Variants in FRMD6 observed in about 807,000 individuals in gnomAD.
FRMD6 encodes FERM domain containing 6, also known as FERM domain-containing protein 6.
Under a neutral mutation model 73.2 loss-of-function variants are expected in FRMD6, and 37 were observed. The ratio of observed to expected loss-of-function variants is 0.51; its 90% CI spans 0.39 to 0.66. The LOEUF (loss-of-function observed/expected upper bound fraction) is 0.66, where lower values mean the gene tolerates loss of function less well. FRMD6 is among the 30% of genes least tolerant of loss of function. FRMD6 has a pLI of 0.00. For missense variants in FRMD6, 714 were observed against 780.5 expected (o/e 0.91, Z 1.02); for synonymous variants, 273 against 282.2 (o/e 0.97, Z 0.33).
chr14:51,481,947 A>G, the FRMD6 span, among the ~76,000 whole-genome samples: 1 of 152,206 alleles, frequency 6.6e-6, no homozygotes, highest in East Asian at 1.9e-4. Context: ...GTTTGTTCAA[A>G]TTGCATTTTA....
chr14:51,566,256 A>C (rs192301912), intron 1 of FRMD6, among the ~76,000 whole-genome samples: 3 of 152,358 alleles, frequency 2.0e-5, no homozygotes, highest in Admixed American at 6.5e-5. Flanking sequence ...ATGAAAAGTC[A>C]TTCCAAATCG....
chr14:51,595,258 G>T (rs1173288752), intron 2 of FRMD6, among the ~76,000 whole-genome samples: 1 of 152,156 alleles, frequency 6.6e-6, no homozygotes, highest in Admixed American at 6.5e-5. Context: ...CCACTTTTAG[G>T]CTAAGGCATT....
At chr14:51,482,090 A>C in the FRMD6 span, among the ~76,000 whole-genome samples, 2 of 152,226 alleles carry the variant, frequency 1.3e-5, no homozygotes, top group Admixed American at 6.5e-5. Context: ...TTCATTATAG[A>C]AAAGAAAAAG....
intron 1 of FRMD6, among the ~76,000 whole-genome samples, chr14:51,565,978 C>A (rs1283850100): frequency 2.0e-5 from 3 of 152,172 alleles, no homozygotes; most frequent in Non-Finnish European, 4.4e-5. Flanking sequence ...TCCTGGCTAA[C>A]ATGGTGAAAC....
chr14:51,585,960 T>TATATATATATATATATATA (rs369811499), intron 2 of FRMD6, among the ~76,000 whole-genome samples: 1 of 91,324 alleles, frequency 1.1e-5, no homozygotes, highest in African/African-American at 3.6e-5. Flanking sequence ...TATATATATA[T>TATATATATATATATATATA]AACATTTTCT....
the FRMD6 span, among the ~76,000 whole-genome samples, chr14:51,445,313 A>G: frequency 1.3e-5 from 2 of 152,264 alleles, no homozygotes; most frequent in East Asian, 3.9e-4. Context: ...CCAAGTCTGA[A>G]GAGAACATTC....
In FRMD6 at chr14:51,728,138, G is replaced by T. The variant is rs1898088610; in HGVS notation, c.*109G>T. On this transcript the variant is annotated 3_prime_UTR_variant, in exon 14 of 14. Transcript: ENST00000344768. ...CCATATCTTCTTCACCCTAAACATA[G>T]CTCTTTCTTTATAATATTTGTGATG... 1 of 973,622 alleles carries T rather than the reference G, an allele frequency of 1.0e-6. No individual in the cohort carries two copies. The highest frequency in any genetic ancestry group is 1.5e-6 in the Non-Finnish European group (1 of 672,412). 60.3% of individuals were successfully genotyped at this position (973,622 alleles called of 1,614,324 possible).
the FRMD6 span, chr14:51,436,833 GAGA>G: frequency 1.7e-6 from 1 of 579,978 alleles, no homozygotes; most frequent in East Asian, 3.9e-5. Flanking sequence ...GAAGGAGAAG[GAGA>G]AGATGATGAT....
chr14:51,724,897 A>G (rs1480144912), intron 12 of FRMD6, among the ~76,000 whole-genome samples: 2 of 152,118 alleles, frequency 1.3e-5, no homozygotes, highest in African/African-American at 4.8e-5. Context: ...TGCTTCACTC[A>G]TATGCCAGTC....
chr14:51,511,725 T>C (rs1884322640), intron 1 of FRMD6, among the ~76,000 whole-genome samples: 1 of 151,860 alleles, frequency 6.6e-6, no homozygotes, highest in African/African-American at 2.4e-5. Flanking sequence ...CCGGGGCCAG[T>C]TGGGATGGTG....
chr14:51,715,681 C>T (rs1194997047), intron 10 of FRMD6, among the ~76,000 whole-genome samples, 182 bp downstream of exon 10: 1 of 152,172 alleles, frequency 6.6e-6, no homozygotes, highest in African/African-American at 2.4e-5. Context: ...GCTTGAGCCC[C>T]ACCTACTGTA....
chr14:51,643,168 C>G, intron 2 of FRMD6, among the ~76,000 whole-genome samples: 1 of 152,162 alleles, frequency 6.6e-6, no homozygotes, highest in East Asian at 1.9e-4. Flanking sequence ...ATATCTTCTT[C>G]AAAGGGCTGT....
the FRMD6 span, among the ~76,000 whole-genome samples, chr14:51,417,957 T>C: frequency 2.0e-5 from 3 of 152,232 alleles, no homozygotes; most frequent in African/African-American, 4.8e-5. Flanking sequence ...TGTTGAAGCT[T>C]GTGCATGTGT....
At chr14:51,593,092 T>G (rs1174671886) in intron 2 of FRMD6, among the ~76,000 whole-genome samples, 1 of 152,226 alleles carries the variant, frequency 6.6e-6, no homozygotes, top group East Asian at 1.9e-4. Flanking sequence ...CTAAACCACC[T>G]TCTTATTTTT....
At chr14:51,421,013 G>A in the FRMD6 span, among the ~76,000 whole-genome samples, 1 of 152,252 alleles carries the variant, frequency 6.6e-6, no homozygotes, top group East Asian at 1.9e-4. Context: ...CTGAGCTCAA[G>A]TGATCCACCC....
chr14:51,583,149 A>C, intron 2 of FRMD6, among the ~76,000 whole-genome samples: 1 of 152,202 alleles, frequency 6.6e-6, no homozygotes, highest in East Asian at 1.9e-4. Context: ...TCAGAAAGAA[A>C]CCAAGACATT....
intron 2 of FRMD6, among the ~76,000 whole-genome samples, chr14:51,634,526 C>T (rs1891468620): frequency 1.3e-5 from 2 of 151,992 alleles, no homozygotes; most frequent in South Asian, 4.1e-4. Context: ...GAGTCTGACC[C>T]CTTTGTAGGA....
chr14:51,705,090 A>G (rs1442846775), intron 6 of FRMD6, among the ~76,000 whole-genome samples, 155 bp downstream of exon 6: 3 of 152,112 alleles, frequency 2.0e-5, no homozygotes, highest in Non-Finnish European at 4.4e-5. Flanking sequence ...AACGTGGTGC[A>G]CATCATGTCT....
the FRMD6 span, among the ~76,000 whole-genome samples, chr14:51,467,075 A>C: frequency 6.6e-6 from 1 of 152,144 alleles, no homozygotes; most frequent in Admixed American, 6.5e-5. Context: ...TAAACATGTG[A>C]ACAAAGGTCT....
Sources: allele counts gnomAD v4.1 joint callset (sites outside exome capture counted in the v4.1 genomes callset), GRCh38; gene constraint gnomAD v4.1.1; transcripts MANE v1.5; gene names NCBI Gene and HGNC (gene_info 2026-07-23, HGNC 2026-07-21).